Variants in TPX2 observed in about 807,000 individuals in gnomAD.
TPX2 encodes targeting protein for Xklp2.
Under a neutral mutation model 93.6 loss-of-function variants are expected in TPX2, and 21 were observed. The observed-to-expected ratio is 0.22, with a 90% CI of 0.16 to 0.32. TPX2 has a LOEUF of 0.32. Among genes scored for constraint, TPX2 ranks in the 10% least tolerant of loss-of-function variants. The pLI is 1.00. For synonymous variants in TPX2, 281 were observed against 298.3 expected (o/e 0.94, Z 0.60); for missense variants, 776 against 871.1 (o/e 0.89, Z 1.37).
intron 12 of TPX2, among the ~76,000 whole-genome samples, chr20:31,792,118 G>A (rs975993859): frequency 6.6e-6 from 1 of 152,230 alleles, no homozygotes; most frequent in African/African-American, 2.4e-5. Context: ...GCTGGGTACA[G>A]TGGTTCACGT....
intron 2 of TPX2, among the ~76,000 whole-genome samples, chr20:31,747,009 C>T (rs1190989088): frequency 1.3e-5 from 2 of 152,248 alleles, no homozygotes; most frequent in Non-Finnish European, 1.5e-5. Flanking sequence ...TGTTCTCCTT[C>T]TCTGCACTTC....
At chr20:31,769,208 TAA>T (rs11477197) in intron 5 of TPX2, among the ~76,000 whole-genome samples, 17 of 142,718 alleles carry the variant, frequency 1.2e-4, no homozygotes, top group African/African-American at 2.5e-4. Flanking sequence ...AGTATAATAA[TAA>T]AAAAAAAAAA....
chr20:31,753,114 C>T (rs922580413), intron 2 of TPX2, among the ~76,000 whole-genome samples: 1 of 152,102 alleles, frequency 6.6e-6, no homozygotes, highest in African/African-American at 2.4e-5. Context: ...CCAAAGAACC[C>T]CTATTCCAGA....
intron 4 of TPX2, among the ~76,000 whole-genome samples, chr20:31,764,154 A>G (rs541566761): frequency 1.1e-3 from 165 of 149,676 alleles, no homozygotes; most frequent in African/African-American, 3.9e-3. Flanking sequence ...ATGTGTACAT[A>G]CATGTACACA....
intron 3 of TPX2, among the ~76,000 whole-genome samples, chr20:31,758,365 C>T (rs1041169661): frequency 2.0e-5 from 3 of 152,144 alleles, no homozygotes; most frequent in African/African-American, 7.2e-5. Context: ...GGTGATCCAC[C>T]CACCTCAGCC....
rs910986840 is a variant in TPX2, at chr20:31,792,839, C to T, written c.1509+9C>T. The T allele has an allele frequency of 6.2e-7, 1 of 1,612,780 alleles. No homozygotes were observed. Among genetic ancestry groups the T allele is most frequent in the Admixed American group, 1.7e-5 (1 of 60,018 alleles). On this transcript the variant is annotated intron_variant, in intron 13 of 17. Transcript: ENST00000300403. Reference sequence around the variant, plus strand: ...CCACCAAAGAAGATGAGGTGATTCCCTGGGAGTAGGGGGGTTCTTTTTCCT... The same window carrying T: ...CCACCAAAGAAGATGAGGTGATTCCTTGGGAGTAGGGGGGTTCTTTTTCCT...
chr20:31,750,010 T>C (rs970110044), intron 2 of TPX2, among the ~76,000 whole-genome samples: 10 of 152,052 alleles, frequency 6.6e-5, no homozygotes, highest in African/African-American at 1.4e-4. Context: ...CGATCTTGGC[T>C]CACTGGAACC....
intron 13 of TPX2, among the ~76,000 whole-genome samples, chr20:31,793,268 GT>G (rs141461708): frequency 4.3e-4 from 65 of 152,262 alleles, no homozygotes; most frequent in African/African-American, 1.5e-3. Flanking sequence ...TGTGGTGATC[GT>G]TTATGGAATT....
At chr20:31,779,596 A>T (rs1386145759) in intron 10 of TPX2, among the ~76,000 whole-genome samples, 1 of 152,234 alleles carries the variant, frequency 6.6e-6, no homozygotes, top group Admixed American at 6.5e-5. Flanking sequence ...ACTACAAATT[A>T]TGGCAGGGGA....
At chr20:31,746,333 GA>G (rs1466481053) in intron 2 of TPX2, among the ~76,000 whole-genome samples, 2 of 152,024 alleles carry the variant, frequency 1.3e-5, no homozygotes, top group African/African-American at 2.4e-5. Flanking sequence ...TTATATACAA[GA>G]AAAAAATGTA....
At chr20:31,795,194 T>C (rs535359422) in intron 15 of TPX2, among the ~76,000 whole-genome samples, 48 of 151,186 alleles carry the variant, frequency 3.2e-4, no homozygotes, top group Admixed American at 1.2e-3. Flanking sequence ...AGTGCAGTAG[T>C]GCGATCTCGG....
In TPX2 at chr20:31,770,426, C is replaced by T. The variant is rs200971961; in HGVS notation, c.440C>T (p.Thr147Ile). 3 of 1,603,110 alleles carry T rather than the reference C, an allele frequency of 1.9e-6. No homozygotes were observed. The highest frequency in any genetic ancestry group is 1.3e-5 in the African/African-American group (1 of 74,634). Residue 147 changes from threonine (T) to isoleucine (I), a missense_variant, in exon 6 of 18, where the codon ACT becomes ATT. Coordinates refer to ENST00000300403, the MANE Select transcript of TPX2 (RefSeq NM_012112.5). ...HVKMKAKRCATPVIIDEILPS... is the reference protein window; with the variant it reads ...HVKMKAKRCAIPVIIDEILPS... ...AAAATGAAAGCCAAGAGATGTGCCA[C>T]TCCTGTAATCATCGATGAAATTCTA...
At position 31,792,818 on chromosome 20, in the gene TPX2, C is replaced by A. The variant is rs769091396; in HGVS notation, c.1497C>A (p.Thr499=). Residue 499 remains threonine, a synonymous_variant, in exon 13 of 18, where the codon ACC becomes ACA. Transcript: ENST00000300403. ...TGAAGAACAGAATTCGAATGCCCAC[C>A]AAAGAAGATGAGGTGATTCCCTGGG... ...FALKNRIRMP[T]KEDEEEDEPV... The A allele has an allele frequency of 1.2e-6, 2 of 1,614,122 alleles. No individual in the cohort carries two copies. The highest frequency in any genetic ancestry group is 1.7e-6 in the Non-Finnish European group (2 of 1,179,996).
At chr20:31,798,827 A>C (rs2062153693) in intron 17 of TPX2, among the ~76,000 whole-genome samples, 1 of 152,222 alleles carries the variant, frequency 6.6e-6, no homozygotes, top group South Asian at 2.1e-4. Context: ...CATGAGACAT[A>C]AGACAGTTGT....
chr20:31,745,142 T>C (rs1350266113), intron 2 of TPX2, among the ~76,000 whole-genome samples: 1 of 152,156 alleles, frequency 6.6e-6, no homozygotes, highest in South Asian at 2.1e-4. Flanking sequence ...TAACACCAAA[T>C]TGCCTTGTAG....
chr20:31,740,433 A>G (rs990973731), intron 1 of TPX2, among the ~76,000 whole-genome samples: 6 of 152,144 alleles, frequency 3.9e-5, no homozygotes, highest in African/African-American at 1.4e-4. Context: ...AGTGTATTAC[A>G]TCACCCCCAC....
intron 9 of TPX2, 75 bp downstream of exon 9, chr20:31,777,713 C>T (rs1312048168): frequency 2.0e-6 from 3 of 1,498,120 alleles, no homozygotes; most frequent in Non-Finnish European, 2.7e-6. Context: ...TTTGTGGTCA[C>T]TGTTTATAAT....
chr20:31,740,982 A>G (rs114557227), intron 1 of TPX2, among the ~76,000 whole-genome samples: 2,016 of 152,290 alleles, frequency 0.013, 40 homozygotes, highest in African/African-American at 0.046. Flanking sequence ...AGACTTTCAA[A>G]TTATCTGAAT....
chr20:31,741,163 A>G (rs2061750961), intron 1 of TPX2, among the ~76,000 whole-genome samples: 1 of 152,088 alleles, frequency 6.6e-6, no homozygotes, highest in Admixed American at 6.6e-5. Flanking sequence ...ATTTTCCTTC[A>G]GCTTTTTCTG....
Sources: allele counts gnomAD v4.1 joint callset (sites outside exome capture counted in the v4.1 genomes callset), GRCh38; gene constraint gnomAD v4.1.1; transcripts MANE v1.5; gene names NCBI Gene and HGNC (gene_info 2026-07-23, HGNC 2026-07-21).